The following FOXC2 variants were observed in gnomAD, a reference collection of about 807,000 sequenced individuals.
FOXC2 encodes the protein forkhead box protein C2.
FOXC2 carries 7 observed loss-of-function variants against 7.2 expected under a neutral mutation model. The ratio of observed to expected loss-of-function variants is 0.97; its 90% CI spans 0.55 to 1.81. The LOEUF is 1.81. FOXC2 is among the 40% of genes most tolerant of loss of function. FOXC2 has a pLI of 0.00. For synonymous variants in FOXC2, 436 were observed against 350.4 expected (o/e 1.24, Z -2.73); for missense variants, 846 against 741.2 (o/e 1.14, Z -1.64).
rs867129185 is a variant in FOXC2, at chr16:86,567,439, C to T, written c.104C>T (p.Ala35Val). 6.2e-7 allele frequency: 1 copy of T among 1,613,234 alleles called. No homozygotes were observed. Among genetic ancestry groups the T allele is most frequent in the Middle Eastern group, 1.7e-4 (1 of 6,060 alleles). Reference protein sequence around the residue: ...YRAAGSYGGMASPMGVYSGHP... With the variant: ...YRAAGSYGGMVSPMGVYSGHP... ...GCTGCGGGCAGCTACGGCGGCATGG[C>T]CAGCCCCATGGGCGTCTATTCCGGC... The change falls in exon 1 of 1, where the codon GCC (alanine) becomes GTC (valine). Residue 35 changes from alanine (A) to valine (V), a missense_variant. Physicochemically the swap from Ala to Val is moderately conservative, Grantham distance 64. Coordinates refer to ENST00000649859, the MANE Select transcript of FOXC2 (RefSeq NM_005251.3).
Position 86,568,132 on chromosome 16 carries a change from G to T in FOXC2, c.797G>T (p.Gly266Val). The T allele has an allele frequency of 7.4e-7, 1 of 1,351,368 alleles. No individual in the cohort carries two copies. Among genetic ancestry groups the T allele is most frequent in the East Asian group, 3.1e-5 (1 of 32,478 alleles). 83.7% of individuals were successfully genotyped at this position (1,351,368 alleles called of 1,614,324 possible). The change falls in exon 1 of 1, where the codon GGG (glycine) becomes GTG (valine). Residue 266 changes from glycine (G) to valine (V), a missense_variant. Gly to Val is a moderately radical substitution (Grantham distance 109). Coordinates refer to ENST00000649859, the MANE Select transcript of FOXC2 (RefSeq NM_005251.3). The surrounding 1 kb of genome is among the most constrained non-coding windows in gnomAD (Gnocchi z 5.2). The part of the protein sequence containing the change: ...LPEHHAAAPN[G>V]LPGFSVENIM... Reference sequence around the variant, plus strand: ...GAGCACCACGCCGCGGCGCCCAACGGGCTGCCTGGCTTCAGCGTGGAGAAC... The same window carrying T: ...GAGCACCACGCCGCGGCGCCCAACGTGCTGCCTGGCTTCAGCGTGGAGAAC...
Position 86,569,708 on chromosome 16 carries a change from A to T in FOXC2, c.*867A>T, listed in dbSNP as rs1974256097. 1 of 166,332 alleles carries T rather than the reference A, an allele frequency of 6.0e-6. No individual in the cohort carries two copies. The highest frequency in any genetic ancestry group is 1.5e-5 in the Non-Finnish European group (1 of 68,036). The allele number at this position is 166,332 out of a possible 1,614,324, so 10.3% of individuals were successfully genotyped here. ...GTTGTACTTACCTTAAAATAAACCCATGTTGTTTTTTCTGCCCAAAGTTTG... is the reference window on the plus strand; with the variant it reads ...GTTGTACTTACCTTAAAATAAACCCTTGTTGTTTTTTCTGCCCAAAGTTTG... On this transcript the variant is annotated 3_prime_UTR_variant, in exon 1 of 1. Coordinates refer to ENST00000649859, the MANE Select transcript of FOXC2 (RefSeq NM_005251.3).
At position 86,569,652 on chromosome 16, in the gene FOXC2, T is replaced by C. The variant is rs955350993; in HGVS notation, c.*811T>C. On this transcript the variant is annotated 3_prime_UTR_variant, in exon 1 of 1. Coordinates refer to ENST00000649859, the MANE Select transcript of FOXC2 (RefSeq NM_005251.3). ...AAAAAAAAGCTTAAAAACTCTAACT[T>C]CATCTGTGTTTGTCTTACGTGGTCT... The C allele has an allele frequency of 2.4e-5, 4 of 166,584 alleles. No homozygotes were observed. The highest frequency in any genetic ancestry group is 4.4e-5 in the Non-Finnish European group (3 of 68,068). 10.3% of individuals were successfully genotyped at this position (166,584 alleles called of 1,614,324 possible).
chr16:86,567,603 GAGA>G lies in FOXC2; in HGVS notation c.275_277del (p.Lys92del), dbSNP rs1203250715. The G allele has an allele frequency of 5.0e-6, 8 of 1,613,984 alleles. No individual in the cohort carries two copies. The highest frequency in any genetic ancestry group is 1.7e-5 in the Admixed American group (1 of 60,008). On this transcript the variant is annotated inframe_deletion, in exon 1 of 1. Transcript: ENST00000649859. ...CACCATGGCCATCCAGAACGCGCCC[GAGA>G]AGAAGATCACCTTGAACGGCATCTA...
rs1458484818 is a variant in FOXC2 at position 86,568,184 on chromosome 16, G to A, written c.849G>A (p.Pro283=). The A allele has an allele frequency of 4.7e-6, 6 of 1,287,730 alleles. No individual in the cohort carries two copies. The highest frequency in any genetic ancestry group is 1.6e-5 in the African/African-American group (1 of 64,264). 79.8% of individuals were successfully genotyped at this position (1,287,730 alleles called of 1,614,324 possible). A position where few individuals can be genotyped will look rare whatever the true frequency, so the allele number is the denominator to read the frequency against. Residue 283 remains proline (P), a synonymous_variant, in exon 1 of 1, where the codon CCG becomes CCA. Transcript: ENST00000649859. The surrounding 1 kb of genome is among the most constrained non-coding windows in gnomAD (Gnocchi z 5.2). ...ENIMTLRTSP[P]GGELSPGAGR... is the part of the protein sequence containing the mutation. Reference sequence around the variant, plus strand: ...TCATGACCCTGCGAACGTCGCCGCCGGGCGGAGAGCTGAGCCCGGGGGCCG... The same window carrying A: ...TCATGACCCTGCGAACGTCGCCGCCAGGCGGAGAGCTGAGCCCGGGGGCCG...
At position 86,568,950 on chromosome 16, in the gene FOXC2, C is replaced by T. The variant is rs541956160; in HGVS notation, c.*109C>T. 3.6e-6 allele frequency: 5 copies of T among 1,397,896 alleles called. No individual in the cohort carries two copies. The highest frequency in any genetic ancestry group is 2.5e-5 in the South Asian group (2 of 81,594). The allele number at this position is 1,397,896 out of a possible 1,614,324, so 86.6% of individuals were successfully genotyped here. On this transcript the variant is annotated 3_prime_UTR_variant, in exon 1 of 1. Transcript: ENST00000649859. This position sits in a 1 kb window ranked among gnomAD's most constrained non-coding sequence, Gnocchi z 5.2. ...GACGCAAAAAAGAAACAAAACATGT[C>T]CACCAACCTTTTCTCAGACCCGGGA...
At position 86,568,683 on chromosome 16, in the gene FOXC2, G is replaced by T. The variant is rs751964046; in HGVS notation, c.1348G>T (p.Val450Leu). 4 of 1,612,862 alleles carry T rather than the reference G, an allele frequency of 2.5e-6. No individual in the cohort carries two copies. Among genetic ancestry groups the T allele is most frequent in the Non-Finnish European group, 2.5e-6 (3 of 1,180,000 alleles). Residue 450 changes from valine (V) to leucine (L), a missense_variant, in exon 1 of 1, where the codon GTG becomes TTG. Physicochemically the swap from Val to Leu is conservative, Grantham distance 32. This residue lies in a region of FOXC2 where 640 missense variants were observed against 503.2 expected (regional missense o/e 1.27). Transcript: ENST00000649859. This position sits in a 1 kb window ranked among gnomAD's most constrained non-coding sequence, Gnocchi z 5.2. ...FAAQQQTFPN[V>L]REMFNSHRLG... ...GGCCCAGCAGCAAACTTTCCCCAAC[G>T]TGCGGGAGATGTTCAACTCCCACCG...
At position 86,567,752 on chromosome 16, in the gene FOXC2, G is replaced by A. The variant is rs944950685; in HGVS notation, c.417G>A (p.Lys139=). The A allele has an allele frequency of 3.4e-5, 55 of 1,614,084 alleles. No individual in the cohort carries two copies. Among genetic ancestry groups the A allele is most frequent in the East Asian group, 1.3e-4 (6 of 44,870 alleles). ...CFVKVPRDDK[K]PGKGSYWTLD... ...TCAAGGTGCCCCGCGACGACAAGAAGCCCGGCAAGGGCAGTTACTGGACCC... is the reference window on the plus strand; with the variant it reads ...TCAAGGTGCCCCGCGACGACAAGAAACCCGGCAAGGGCAGTTACTGGACCC... The change falls in exon 1 of 1, where the codon AAG becomes AAA. Residue 139 remains lysine (K), a synonymous_variant. Coordinates refer to ENST00000649859, the MANE Select transcript of FOXC2 (RefSeq NM_005251.3).
At position 86,568,949 on chromosome 16, in the gene FOXC2, T is replaced by G; in HGVS notation, c.*108T>G. ...AGACGCAAAAAAGAAACAAAACATG[T>G]CCACCAACCTTTTCTCAGACCCGGG... On this transcript the variant is annotated 3_prime_UTR_variant, in exon 1 of 1. Coordinates refer to ENST00000649859, the MANE Select transcript of FOXC2 (RefSeq NM_005251.3). This position sits in a 1 kb window ranked among gnomAD's most constrained non-coding sequence, Gnocchi z 5.2. 1 of 1,399,854 alleles carries G rather than the reference T, an allele frequency of 7.1e-7. No homozygotes were observed. Among genetic ancestry groups the G allele is most frequent in the African/African-American group, 1.4e-5 (1 of 70,340 alleles). The allele number at this position is 1,399,854 out of a possible 1,614,324, so 86.7% of individuals were successfully genotyped here. A position where few individuals can be genotyped will look rare whatever the true frequency, so the allele number is the denominator to read the frequency against.
chr16:86,567,829 G>A lies in FOXC2; in HGVS notation c.494G>A (p.Arg165Gln), dbSNP rs1362663306. 2 of 1,613,628 alleles carry A rather than the reference G, an allele frequency of 1.2e-6. No homozygotes were observed. Among genetic ancestry groups the A allele is most frequent in the South Asian group, 1.1e-5 (1 of 91,082 alleles). ...MFENGSFLRR[R>Q]RRFKKKDVSK... is the part of the protein sequence containing the mutation. ...GAGAACGGCAGCTTCCTGCGGCGCCGGCGGCGCTTCAAAAAGAAGGACGTG... is the reference window on the plus strand; with the variant it reads ...GAGAACGGCAGCTTCCTGCGGCGCCAGCGGCGCTTCAAAAAGAAGGACGTG... The change falls in exon 1 of 1, where the codon CGG (arginine) becomes CAG (glutamine). Residue 165 changes from arginine to glutamine, a missense_variant. Physicochemically the swap from Arg to Gln is conservative, Grantham distance 43. Around this residue, in one of 3 missense-constraint regions of FOXC2, gnomAD observed 52 missense variants for 103.8 expected, o/e 0.50. Coordinates refer to ENST00000649859, the MANE Select transcript of FOXC2 (RefSeq NM_005251.3).
rs773729398 is a variant in FOXC2 at position 86,568,262 on chromosome 16, G to A, written c.927G>A (p.Pro309=). The A allele has an allele frequency of 8.0e-7, 1 of 1,251,170 alleles. No homozygotes were observed. The allele number at this position is 1,251,170 out of a possible 1,614,324, so 77.5% of individuals were successfully genotyped here. The change falls in exon 1 of 1, where the codon CCG becomes CCA. Residue 309 remains proline, a synonymous_variant. Coordinates refer to ENST00000649859, the MANE Select transcript of FOXC2 (RefSeq NM_005251.3). This position sits in a 1 kb window ranked among gnomAD's most constrained non-coding sequence, Gnocchi z 5.2. ...TGGCGCTGCCCTACGCCGCCGCGCC[G>A]CCCGCCGCCTACGGCCAGCCGTGCG... ...PPLALPYAAA[P]PAAYGQPCAQ... is the part of the protein sequence containing the mutation.
chr16:86,568,862 C>A lies in FOXC2; in HGVS notation c.*21C>A. On this transcript the variant is annotated 3_prime_UTR_variant, in exon 1 of 1. Coordinates refer to ENST00000649859, the MANE Select transcript of FOXC2 (RefSeq NM_005251.3). This position sits in a 1 kb window ranked among gnomAD's most constrained non-coding sequence, Gnocchi z 5.2. The stretch of plus-strand genomic sequence containing the variant: ...ACTGACGTGTCCCGGGACCTCCCCT[C>A]CCCGGCCCGCTCCGGCTTCGCTTCC... 6.2e-7 allele frequency: 1 copy of A among 1,612,038 alleles called. No individual in the cohort carries two copies. Among genetic ancestry groups the A allele is most frequent in the Non-Finnish European group, 8.5e-7 (1 of 1,179,384 alleles).
At position 86,566,853 on chromosome 16, in the gene FOXC2, G is replaced by A. The variant is rs1442620927; in HGVS notation, c.-483G>A. Among the ~76,000 whole-genome samples the A allele has an allele frequency of 6.6e-6, 1 of 152,164 alleles. No homozygotes were observed. Among genetic ancestry groups the A allele is most frequent in the African/African-American group, 2.4e-5 (1 of 41,460 alleles). On this transcript the variant is annotated 5_prime_UTR_variant, in exon 1 of 1. Coordinates refer to ENST00000649859, the MANE Select transcript of FOXC2 (RefSeq NM_005251.3). The surrounding 1 kb of genome is among the most constrained non-coding windows in gnomAD (Gnocchi z 4.3). ...TGAAACTTTTCCCAATCCCTAAAAG[G>A]GACTTGGCCTCTTTTTCTGGGCTCA...
Position 86,567,892 on chromosome 16 carries a change from C to G in FOXC2, c.557C>G (p.Pro186Arg). 2 of 1,596,676 alleles carry G rather than the reference C, an allele frequency of 1.3e-6. No individual in the cohort carries two copies. The highest frequency in any genetic ancestry group is 1.7e-6 in the Non-Finnish European group (2 of 1,176,524). ...GAGGAGCGGGCCCACCTCAAGGAGC[C>G]GCCCCCGGCGGCGTCCAAGGGCGCC... ...EKEERAHLKE[P>R]PPAASKGAPA... The change falls in exon 1 of 1, where the codon CCG (proline) becomes CGG (arginine). Residue 186 changes from proline to arginine, a missense_variant. Transcript: ENST00000649859.
Position 86,568,161 on chromosome 16 carries a change from ATGACCC to A in FOXC2, c.829_834del (p.Thr277_Leu278del). ...GCCTGGCTTCAGCGTGGAGAACATC[ATGACCC>A]TGCGAACGTCGCCGCCGGGCGGAGA... is the stretch of plus-strand genomic sequence containing the variant. On this transcript the variant is annotated inframe_deletion, in exon 1 of 1. Transcript: ENST00000649859. The surrounding 1 kb of genome is among the most constrained non-coding windows in gnomAD (Gnocchi z 5.2). The A allele has an allele frequency of 3.1e-6, 4 of 1,309,476 alleles. No homozygotes were observed. The highest frequency in any genetic ancestry group is 3.9e-6 in the Non-Finnish European group (4 of 1,038,038). 81.1% of individuals were successfully genotyped at this position (1,309,476 alleles called of 1,614,324 possible). A position where few individuals can be genotyped will look rare whatever the true frequency, so the allele number is the denominator to read the frequency against.
rs1974207032 is a variant in FOXC2, at chr16:86,567,214, C to T, written c.-122C>T. 9 of 1,175,810 alleles carry T rather than the reference C, an allele frequency of 7.7e-6. No individual in the cohort carries two copies. The highest frequency in any genetic ancestry group is 1.1e-5 in the Non-Finnish European group (9 of 836,650). The allele number at this position is 1,175,810 out of a possible 1,614,324, so 72.8% of individuals were successfully genotyped here. The stretch of plus-strand genomic sequence containing the variant: ...GGAGGCTGCCAGGAGCCCGGGGCCG[C>T]CCCTCCCGCTCCCCTCCTCTCCCCC... On this transcript the variant is annotated 5_prime_UTR_variant, in exon 1 of 1. Coordinates refer to ENST00000649859, the MANE Select transcript of FOXC2 (RefSeq NM_005251.3).
Position 86,568,470 on chromosome 16 carries a change from G to C in FOXC2, c.1135G>C (p.Glu379Gln), listed in dbSNP as rs759834655. ...LSALNLAAGQ[E>Q]GALAATGHHH... The stretch of plus-strand genomic sequence containing the variant: ...CGCTCTCAACCTCGCCGCCGGCCAG[G>C]AGGGCGCGCTCGCCGCCACGGGCCA... Residue 379 changes from glutamate to glutamine, a missense_variant, in exon 1 of 1, where the codon GAG becomes CAG. Physicochemically the swap from Glu to Gln is conservative, Grantham distance 29. Transcript: ENST00000649859. The surrounding 1 kb of genome is among the most constrained non-coding windows in gnomAD (Gnocchi z 5.2). 1 of 1,322,116 alleles carries C rather than the reference G, an allele frequency of 7.6e-7. No individual in the cohort carries two copies. The highest frequency in any genetic ancestry group is 1.9e-5 in the South Asian group (1 of 53,854). 81.9% of individuals were successfully genotyped at this position (1,322,116 alleles called of 1,614,324 possible). A position where few individuals can be genotyped will look rare whatever the true frequency, so the allele number is the denominator to read the frequency against.
In FOXC2 at chr16:86,568,475, C is replaced by G. The variant is rs1386663376; in HGVS notation, c.1140C>G (p.Gly380=). 1.4e-5 allele frequency: 18 copies of G among 1,310,794 alleles called. No homozygotes were observed. The highest frequency in any genetic ancestry group is 1.8e-5 in the Non-Finnish European group (18 of 1,025,874). The allele number at this position is 1,310,794 out of a possible 1,614,324, so 81.2% of individuals were successfully genotyped here. Residue 380 remains glycine, a synonymous_variant, in exon 1 of 1, where the codon GGC becomes GGG. Coordinates refer to ENST00000649859, the MANE Select transcript of FOXC2 (RefSeq NM_005251.3). The surrounding 1 kb of genome is among the most constrained non-coding windows in gnomAD (Gnocchi z 5.2). ...TCAACCTCGCCGCCGGCCAGGAGGG[C>G]GCGCTCGCCGCCACGGGCCACCACC... is the stretch of plus-strand genomic sequence containing the variant. ...SALNLAAGQE[G]ALAATGHHHQ...
Position 86,568,538 on chromosome 16 carries a change from G to GC in FOXC2, c.1208dup (p.Pro404AlafsTer59). On this transcript the variant is annotated frameshift_variant, in exon 1 of 1. Coordinates refer to ENST00000649859, the MANE Select transcript of FOXC2 (RefSeq NM_005251.3). LOFTEE classifies it high-confidence loss of function. The surrounding 1 kb of genome is among the most constrained non-coding windows in gnomAD (Gnocchi z 5.2). ...GCCACCACCACCCGCAGGCGCCGCC[G>GC]CCCCCGCCGGCTCCCCAGCCCCAGC... 2 of 1,292,440 alleles carry GC rather than the reference G, an allele frequency of 1.5e-6. No homozygotes were observed. Among genetic ancestry groups the GC allele is most frequent in the Non-Finnish European group, 9.8e-7 (1 of 1,020,666 alleles). 80.1% of individuals were successfully genotyped at this position (1,292,440 alleles called of 1,614,324 possible). A position where few individuals can be genotyped will look rare whatever the true frequency, so the allele number is the denominator to read the frequency against.
Sources: gnomAD v4.1 joint callset for allele counts (sites outside exome capture counted in the v4.1 genomes callset) on GRCh38, gnomAD v4.1.1 for gene constraint, gnomAD v4.1.1 regional missense constraint, Gnocchi (gnomAD v3.1) non-coding constraint, MANE v1.5 for transcripts, NCBI Gene and HGNC (gene_info 2026-07-23, HGNC 2026-07-21) for gene names.